Variants in PEBP4 observed in about 807,000 individuals in gnomAD.
The protein encoded by PEBP4 is phosphatidylethanolamine binding protein 4.
Under a neutral mutation model 23.9 loss-of-function variants are expected in PEBP4, and 22 were observed. That is an observed-to-expected ratio of 0.92 (90% confidence interval 0.66 to 1.31). The LOEUF (loss-of-function observed/expected upper bound fraction) is 1.31, where lower values mean the gene tolerates loss of function less well. Among genes scored for constraint, PEBP4 ranks in the 40% most tolerant of loss-of-function variants. The pLI is 0.00. For synonymous variants in PEBP4, 112 were observed against 99.3 expected (o/e 1.13, Z -0.76); for missense variants, 324 against 281.7 (o/e 1.15, Z -1.07).
chr8:22,717,840 C>T (rs529899397), intron 6 of PEBP4, among the ~76,000 whole-genome samples: 18 of 152,256 alleles, frequency 1.2e-4, no homozygotes, highest in Middle Eastern at 3.4e-3. Flanking sequence ...GCCTAATAAC[C>T]GCCCCACAGA....
chr8:22,929,488 T>G (rs1336353881), upstream of PEBP4, among the ~76,000 whole-genome samples: 3 of 152,222 alleles, frequency 2.0e-5, no homozygotes, highest in Non-Finnish European at 4.4e-5. Flanking sequence ...TTGAGCCCAC[T>G]TCCAGTGGCG....
chr8:22,724,100 G>A (rs1421437655), intron 6 of PEBP4, among the ~76,000 whole-genome samples: 1 of 152,196 alleles, frequency 6.6e-6, no homozygotes, highest in African/African-American at 2.4e-5. Context: ...AGAGTGCAGG[G>A]GTGGCTTTAT....
At chr8:22,924,189 T>C (rs1809274450) in intron 2 of PEBP4, among the ~76,000 whole-genome samples, 1 of 151,844 alleles carries the variant, frequency 6.6e-6, no homozygotes, top group Non-Finnish European at 1.5e-5. Flanking sequence ...ATACCGAGAC[T>C]CCCAACTCTA....
intron 3 of PEBP4, among the ~76,000 whole-genome samples, chr8:22,837,890 CTTTTTTTTTTTT>C (rs746772591): frequency 3.1e-5 from 2 of 64,552 alleles, no homozygotes; most frequent in Admixed American, 2.1e-4. Flanking sequence ...TTATTATATT[CTTTTTTTTTTTT>C]TTTTTTTTTT....
chr8:22,831,571 T>C lies in PEBP4; in HGVS notation c.259-13836A>G, dbSNP rs116330510. 5.8e-3 allele frequency among the ~76,000 whole-genome samples: 890 copies of C among 152,340 alleles called. 10 individuals carry two copies. The highest frequency in any genetic ancestry group is 0.021 in the African/African-American group (864 of 41,568). ...ATAAGAGATGAGAGAGGCATGCCTC[T>C]GCCTTTGAGGACATAGTAGCCTACA... On this transcript the variant is annotated intron_variant, in intron 3 of 6. Coordinates refer to ENST00000256404, the MANE Select transcript of PEBP4 (RefSeq NM_144962.3).
intron 1 of PEBP4, among the ~76,000 whole-genome samples, chr8:22,939,677 A>T (rs1233249918): frequency 6.6e-6 from 1 of 151,756 alleles, no homozygotes; most frequent in Admixed American, 6.6e-5. Context: ...CATGGTGGCA[A>T]TGATGGGGCT....
At chr8:22,770,028 G>A (rs1037566110) in intron 4 of PEBP4, among the ~76,000 whole-genome samples, 22 of 152,166 alleles carry the variant, frequency 1.4e-4, no homozygotes, top group African/African-American at 2.4e-4. Context: ...CCTATGCCAC[G>A]CTAACCTTCT....
intron 3 of PEBP4, among the ~76,000 whole-genome samples, chr8:22,829,934 T>C (rs976329731): frequency 3.3e-5 from 5 of 152,204 alleles, no homozygotes; most frequent in Non-Finnish European, 7.3e-5. Flanking sequence ...ACCACCTCCA[T>C]GTCACCAAAT....
chr8:22,724,766 T>A (rs1804588752), intron 6 of PEBP4, 77 bp downstream of exon 6: 1 of 1,154,156 alleles, frequency 8.7e-7, no homozygotes. Flanking sequence ...GGCCCCAATT[T>A]CCCCGTAAAT....
chr8:22,789,351 G>A (rs1030862713), intron 4 of PEBP4, among the ~76,000 whole-genome samples: 6 of 152,060 alleles, frequency 3.9e-5, no homozygotes, highest in African/African-American at 1.2e-4. Flanking sequence ...TTTTTGAGAC[G>A]AAGAAATTCA....
chr8:22,905,835 G>GATAAC (rs1452425548), intron 3 of PEBP4, among the ~76,000 whole-genome samples: 16 of 152,188 alleles, frequency 1.1e-4, no homozygotes, highest in Non-Finnish European at 1.5e-4. Flanking sequence ...GCTGTTCCAC[G>GATAAC]ATAACATACT....
rs113389049 is a variant in PEBP4 at position 22,862,458 on chromosome 8, A to T, written c.259-44723T>A. Among the ~76,000 whole-genome samples the T allele has an allele frequency of 5.5e-3, 838 of 152,256 alleles. 11 individuals are homozygous for T. The highest frequency in any genetic ancestry group is 0.019 in the African/African-American group (795 of 41,538). ...AAGTATCTAAGACTTAAGGGAAGGGACCAAGGGAAGACTTCACAGGATCCG... is the reference window on the plus strand; with the variant it reads ...AAGTATCTAAGACTTAAGGGAAGGGTCCAAGGGAAGACTTCACAGGATCCG... On this transcript the variant is annotated intron_variant, in intron 3 of 6. Coordinates refer to ENST00000256404, the MANE Select transcript of PEBP4 (RefSeq NM_144962.3).
intron 4 of PEBP4, among the ~76,000 whole-genome samples, chr8:22,759,997 C>T (rs1805474585): frequency 6.6e-6 from 1 of 152,206 alleles, no homozygotes. Flanking sequence ...TCAGATGTCA[C>T]CTCCTCTGGG....
At chr8:22,725,471 T>C (rs1259289968) in intron 5 of PEBP4, among the ~76,000 whole-genome samples, 4 of 151,548 alleles carry the variant, frequency 2.6e-5, no homozygotes, top group Non-Finnish European at 2.9e-5. Context: ...GGTTTGATCA[T>C]GGGAGCTGTA....
At position 22,755,305 on chromosome 8, in the gene PEBP4, C is replaced by T. The variant is rs73671277; in HGVS notation, c.358-28085G>A. On this transcript the variant is annotated intron_variant, in intron 4 of 6. Transcript: ENST00000256404. ...AGTTCCCAGGGCTTTGGGCCAAAAT[C>T]GTATACTCATTTCTCTCCCTCTTTT... 3.2e-3 allele frequency among the ~76,000 whole-genome samples: 469 copies of T among 144,840 alleles called. 5 individuals are homozygous for T. Among genetic ancestry groups the T allele is most frequent in the African/African-American group, 0.012 (455 of 39,214 alleles).
At chr8:22,906,991 G>A (rs949277323) in intron 3 of PEBP4, among the ~76,000 whole-genome samples, 1 of 152,228 alleles carries the variant, frequency 6.6e-6, no homozygotes, top group Non-Finnish European at 1.5e-5. Flanking sequence ...AGGGATAAGA[G>A]GTCTCTGGGC....
chr8:22,927,940 G>A, upstream of PEBP4: 1 of 520,640 alleles, frequency 1.9e-6, no homozygotes, highest in Admixed American at 3.6e-5. Context: ...TGGACTCAAT[G>A]TACGTTCCTG....
At chr8:22,888,723 C>T (rs961763117) in intron 3 of PEBP4, among the ~76,000 whole-genome samples, 1 of 152,368 alleles carries the variant, frequency 6.6e-6, no homozygotes, top group South Asian at 2.1e-4. Context: ...CTTCTGTCCC[C>T]ATCAAATCTC....
intron 4 of PEBP4, among the ~76,000 whole-genome samples, chr8:22,770,103 A>G (rs576692057): frequency 6.6e-6 from 1 of 152,278 alleles, no homozygotes; most frequent in East Asian, 1.9e-4. Flanking sequence ...ATCAGCCCCT[A>G]GGAAGCAGGC....
Sources: gnomAD v4.1 joint callset for allele counts (sites outside exome capture counted in the v4.1 genomes callset) on GRCh38, gnomAD v4.1.1 for gene constraint, MANE v1.5 for transcripts, NCBI Gene and HGNC (gene_info 2026-07-23, HGNC 2026-07-21) for gene names.